The following SLC47A2 variants were observed in gnomAD, a reference collection of about 807,000 sequenced individuals.
The protein encoded by SLC47A2 is multidrug and toxin extrusion protein 2.
In SLC47A2, 52 loss-of-function variants were observed where a neutral mutation model predicts 67.7. The ratio of observed to expected loss-of-function variants is 0.77; its 90% CI spans 0.61 to 0.97. SLC47A2 has a LOEUF of 0.97. Ranked by LOEUF, SLC47A2 falls within the 50% of genes least tolerant of loss-of-function variation. The pLI, the probability that SLC47A2 is intolerant of heterozygous loss-of-function variation, is 0.00. For synonymous variants in SLC47A2, 278 were observed against 292.9 expected, an observed-to-expected ratio of 0.95 and a Z score of 0.52; for missense variants, 676 against 712.3, an observed-to-expected ratio of 0.95 and a Z score of 0.58.
chr17:19,714,057 C>T, intron 3 of SLC47A2, 84 bp from the exon 4 acceptor site: 9 of 1,515,338 alleles, frequency 5.9e-6, no homozygotes, highest in East Asian at 2.3e-5. Context: ...CTGTCAGCGG[C>T]GCCAGCGGTG....
intron 10 of SLC47A2, chr17:19,704,777 C>T (rs375328225): frequency 2.0e-5 from 25 of 1,239,768 alleles, no homozygotes; most frequent in South Asian, 1.3e-4. Context: ...CAGCTCTGGC[C>T]GACTGCAGTG....
intron 13 of SLC47A2, among the ~76,000 whole-genome samples, chr17:19,687,059 T>C (rs544163282): frequency 6.6e-6 from 1 of 152,160 alleles, no homozygotes; most frequent in Non-Finnish European, 1.5e-5. Flanking sequence ...AAAACAAGTC[T>C]TAAAAAATTC....
chr17:19,712,264 G>A (rs376417659), intron 5 of SLC47A2, among the ~76,000 whole-genome samples: 2 of 152,270 alleles, frequency 1.3e-5, no homozygotes, highest in South Asian at 2.1e-4. Flanking sequence ...GTGCATGCCT[G>A]TAATCCCAGC....
At position 19,681,398 on chromosome 17, in the gene SLC47A2, G is replaced by A. The variant is rs748894183; in HGVS notation, c.1361C>T (p.Ala454Val). The change falls in exon 15 of 17, where the codon GCC (alanine) becomes GTC (valine). Residue 454 changes from alanine (A) to valine (V), a missense_variant. Coordinates refer to ENST00000433844, the MANE Select transcript of SLC47A2 (RefSeq NM_001099646.3). ...LATAAFVAYT[A>V]RLDWKLAAEE... ...TGCAGCAAGCTTCCAGTCCAGCCGG[G>A]CAGTATAAGCAACAAAGGCAGCAGT... The A allele has an allele frequency of 6.2e-7, 1 of 1,612,546 alleles. No homozygotes were observed. The highest frequency in any genetic ancestry group is 1.1e-5 in the South Asian group (1 of 90,726).
rs1345721233 is a variant in SLC47A2 at position 19,705,832 on chromosome 17, C to T, written c.842-329G>A. ...CAGGCTGGTCTCGAACTCCTGGCCT[C>T]AAGTGATCCACCCACCTCGGCCTTT... On this transcript the variant is annotated intron_variant, in intron 9 of 16. Transcript: ENST00000433844. Among the ~76,000 whole-genome samples the T allele has an allele frequency of 1.1e-4, 16 of 152,176 alleles. 1 individual carries two copies.
In SLC47A2 at chr17:19,716,580, T is replaced by G. The variant is rs772662952; in HGVS notation, c.-25A>C. ...TTCCTGGCCGGGGCACTGGCTACCC[T>G]GCACGCCTGAGCGCCTGCACGGCCA... On this transcript the variant is annotated 5_prime_UTR_variant, in exon 1 of 17. Transcript: ENST00000433844. 4 of 1,572,756 alleles carry G rather than the reference T, an allele frequency of 2.5e-6. No individual in the cohort carries two copies. The highest frequency in any genetic ancestry group is 2.3e-5 in the East Asian group (1 of 43,562).
chr17:19,708,359 T>A lies in SLC47A2; in HGVS notation c.572A>T (p.Asn191Ile), dbSNP rs766091141. Residue 191 changes from asparagine to isoleucine, a missense_variant, in exon 7 of 17, where the codon AAC becomes ATC. Physicochemically the swap from Asn to Ile is moderately radical, Grantham distance 149 (BLOSUM62 -3). Transcript: ENST00000433844. ...ATAGTTGGCCACACCGTTGACACAG[T>A]TGCCCACCACACCACTGAGGACTTG... ...WPQVLSGVVG[N>I]CVNGVANYAL... The A allele has an allele frequency of 6.8e-6, 11 of 1,613,788 alleles. No homozygotes were observed. Among genetic ancestry groups the A allele is most frequent in the Middle Eastern group, 1.7e-4 (1 of 5,924 alleles).
At chr17:19,718,547 C>T (rs1252638979), upstream of SLC47A2, 4 of 152,270 alleles carry the variant, frequency 2.6e-5, no homozygotes, top group African/African-American at 4.8e-5. Context: ...AGTCCTAGGC[C>T]GAGCATCTCC....
intron 15 of SLC47A2, among the ~76,000 whole-genome samples, chr17:19,680,781 C>T (rs546066293): frequency 6.6e-6 from 1 of 152,250 alleles, no homozygotes; most frequent in South Asian, 2.1e-4. Flanking sequence ...AGTTTGAGTT[C>T]TTTGCGTTTG....
intron 5 of SLC47A2, among the ~76,000 whole-genome samples, chr17:19,709,401 C>G (rs895260153): frequency 1.3e-5 from 2 of 152,106 alleles, no homozygotes; most frequent in Non-Finnish European, 1.5e-5. Flanking sequence ...AGCCCAGGGC[C>G]CTTGTCCCAT....
At chr17:19,688,593 T>C (rs116961075) in intron 13 of SLC47A2, among the ~76,000 whole-genome samples, 32 of 152,276 alleles carry the variant, frequency 2.1e-4, no homozygotes, top group Non-Finnish European at 4.3e-4. Context: ...CTTTTTTGTT[T>C]GTTTGTTTTG....
At chr17:19,691,840 A>G (rs947001440) in intron 13 of SLC47A2, among the ~76,000 whole-genome samples, 5 of 152,254 alleles carry the variant, frequency 3.3e-5, no homozygotes, top group African/African-American at 1.2e-4. Flanking sequence ...TTATCAAAAT[A>G]TCTCATGTAC....
At chr17:19,688,194 T>C (rs2085466876) in intron 13 of SLC47A2, among the ~76,000 whole-genome samples, 1 of 152,134 alleles carries the variant, frequency 6.6e-6, no homozygotes, top group Non-Finnish European at 1.5e-5. Context: ...CTCTGGGATA[T>C]AAGGATGGTT....
At chr17:19,691,001 A>G (rs946152545) in intron 13 of SLC47A2, among the ~76,000 whole-genome samples, 7 of 152,238 alleles carry the variant, frequency 4.6e-5, no homozygotes, top group African/African-American at 1.7e-4. Context: ...GCATGCCTAT[A>G]ATCCTAGCTA....
At position 19,681,478 on chromosome 17, in the gene SLC47A2, A is replaced by G; in HGVS notation, c.1298-17T>C. The G allele has an allele frequency of 6.2e-7, 1 of 1,614,134 alleles. No homozygotes were observed. On this transcript the variant is annotated splice_polypyrimidine_tract_variant and intron_variant, in intron 14 of 16. Coordinates refer to ENST00000433844, the MANE Select transcript of SLC47A2 (RefSeq NM_001099646.3). The stretch of plus-strand genomic sequence containing the variant: ...GCCAGAGGCCTGGAGGAGACAAGTG[A>G]TGATGGGAACAATGTCCGACGACCA...
At chr17:19,711,604 A>AG (rs1427786668) in intron 5 of SLC47A2, among the ~76,000 whole-genome samples, 14 of 150,206 alleles carry the variant, frequency 9.3e-5, no homozygotes, top group Non-Finnish European at 1.5e-4. Flanking sequence ...AAAAAAAAAA[A>AG]AAAAAAAAAA....
intron 13 of SLC47A2, 87 bp from the exon 14 acceptor site, chr17:19,681,757 G>T (rs1270953042): frequency 1.4e-6 from 2 of 1,481,210 alleles, no homozygotes; most frequent in African/African-American, 1.4e-5. Flanking sequence ...TAAGCCATTC[G>T]CATGGCATTG....
chr17:19,716,404 C>A, intron 1 of SLC47A2, 29 bp downstream of exon 1: 1 of 1,595,364 alleles, frequency 6.3e-7, no homozygotes, highest in East Asian at 2.3e-5. Context: ...CCTCCACTCC[C>A]TACCTGCCCC....
intron 13 of SLC47A2, among the ~76,000 whole-genome samples, chr17:19,700,002 T>C (rs1304950804): frequency 2.0e-5 from 3 of 152,148 alleles, no homozygotes; most frequent in Admixed American, 6.5e-5. Context: ...AACAGTATGC[T>C]AAGGAGAAGC....
Sources: gnomAD v4.1 joint callset for allele counts (sites outside exome capture counted in the v4.1 genomes callset) on GRCh38, gnomAD v4.1.1 for gene constraint, MANE v1.5 for transcripts, NCBI Gene and HGNC (gene_info 2026-07-23, HGNC 2026-07-21) for gene names.